Variants in LRRIQ1 observed in about 807,000 individuals in gnomAD.
LRRIQ1 encodes the protein leucine rich repeats and IQ motif containing 1, also known as leucine-rich repeat- and IQ domain-containing protein 1.
Under a neutral mutation model 211.9 loss-of-function variants are expected in LRRIQ1, and 210 were observed. That is an observed-to-expected ratio of 0.99 (90% CI 0.89 to 1.11). The LOEUF (loss-of-function observed/expected upper bound fraction) is 1.11, where lower values mean the gene tolerates loss of function less well. LRRIQ1 is among the 50% of genes most tolerant of loss of function. The pLI is 0.00. For missense variants in LRRIQ1, 2,136 were observed against 1,939.5 expected (o/e 1.10, Z -1.90); for synonymous variants, 699 against 650.1 (o/e 1.08, Z -1.14).
chr12:85,138,007 A>T, intron 19 of LRRIQ1, 38 bp downstream of exon 19: 1 of 1,174,448 alleles, frequency 8.5e-7, no homozygotes, highest in Non-Finnish European at 1.2e-6. Context: ...TTGGTCTTAA[A>T]ATACATTAAG....
Position 85,055,898 on chromosome 12 carries a change from A to C in LRRIQ1, c.1105A>C (p.Asn369His). The C allele has an allele frequency of 6.3e-7, 1 of 1,596,302 alleles. No individual in the cohort carries two copies. Among genetic ancestry groups the C allele is most frequent in the South Asian group, 1.2e-5 (1 of 85,916 alleles). ...AGAAAAAGAATATGAAGAAAAAAAG[A>C]ATATTGTGAAACAGGAAAGAGAGCA... is the stretch of plus-strand genomic sequence containing the variant. ...RREKEYEEKK[N>H]IVKQEREQLI... Residue 369 changes from asparagine (N) to histidine (H), a missense_variant, in exon 8 of 27, where the codon AAT (asparagine) becomes CAT (histidine). Asn to His is a moderately conservative substitution (Grantham distance 68). Transcript: ENST00000393217.
intron 18 of LRRIQ1, among the ~76,000 whole-genome samples, chr12:85,135,176 G>A (rs1889034270): frequency 6.6e-6 from 1 of 151,850 alleles, no homozygotes; most frequent in African/African-American, 2.4e-5. Flanking sequence ...ATTTATTGAA[G>A]TAACCAGGTC....
the LRRIQ1 span, among the ~76,000 whole-genome samples, chr12:85,271,776 C>T: frequency 6.6e-6 from 1 of 152,060 alleles, no homozygotes. Context: ...TATTTTTTAA[C>T]TTTAATTTGC....
rs536496847 is a variant in LRRIQ1 at position 85,082,980 on chromosome 12, C to A, written c.2887+9882C>A. Among the ~76,000 whole-genome samples, 4 of 152,264 alleles carry A rather than the reference C, an allele frequency of 2.6e-5. No homozygotes were observed. In the South Asian group the frequency reaches 6.2e-4, roughly 24 times the overall value. On this transcript the variant is annotated intron_variant, in intron 11 of 26. Transcript: ENST00000393217. ...TTTTCTGATCACTATCTGAGCAAAT[C>A]TGAGCTACAAACCTATGGGAGTGTC... is the stretch of plus-strand genomic sequence containing the variant.
chr12:85,269,790 C>T, the LRRIQ1 span, among the ~76,000 whole-genome samples: 1 of 151,948 alleles, frequency 6.6e-6, no homozygotes, highest in Non-Finnish European at 1.5e-5. Context: ...AATTGGAATG[C>T]CTTTCTATCT....
chr12:85,144,838 T>C (rs563066558), intron 19 of LRRIQ1, among the ~76,000 whole-genome samples: 1 of 151,656 alleles, frequency 6.6e-6, no homozygotes, highest in Non-Finnish European at 1.5e-5. Context: ...GGAGATTACT[T>C]CATGTGACCT....
At chr12:85,245,890 G>T (rs187643357), downstream of LRRIQ1, among the ~76,000 whole-genome samples, 280 of 150,518 alleles carry the variant, frequency 1.9e-3, 2 homozygotes, top group African/African-American at 5.7e-3. Context: ...TATATATATA[G>T]AGAGAGAGAC....
intron 24 of LRRIQ1, among the ~76,000 whole-genome samples, chr12:85,173,625 A>G (rs1164988293): frequency 2.0e-5 from 3 of 151,952 alleles, no homozygotes; most frequent in Non-Finnish European, 4.4e-5. Flanking sequence ...TCTCATACAC[A>G]CACACACACG....
intron 24 of LRRIQ1, among the ~76,000 whole-genome samples, chr12:85,165,249 A>G (rs1225839617): frequency 6.6e-6 from 1 of 152,106 alleles, no homozygotes; most frequent in Non-Finnish European, 1.5e-5. Flanking sequence ...GATAAAGAGC[A>G]TAGTAACAAA....
intron 19 of LRRIQ1, among the ~76,000 whole-genome samples, chr12:85,147,111 C>A (rs1040904346): frequency 5.3e-5 from 8 of 151,774 alleles, no homozygotes; most frequent in Non-Finnish European, 8.8e-5. Context: ...ACAACTGTCA[C>A]AATCAAATGG....
Position 85,073,032 on chromosome 12 carries a change from A to C in LRRIQ1, c.2821A>C (p.Ile941Leu). 1 of 1,612,388 alleles carries C rather than the reference A, an allele frequency of 6.2e-7. No individual in the cohort carries two copies. The change falls in exon 11 of 27, where the codon ATA becomes CTA. Residue 941 changes from isoleucine to leucine, a missense_variant. Physicochemically the swap from Ile to Leu is conservative, Grantham distance 5 (BLOSUM62 2). Coordinates refer to ENST00000393217, the MANE Select transcript of LRRIQ1 (RefSeq NM_001079910.2). ...TCCAACTGGATTATGTTGGTCCTGG[A>C]TACCTATTACCTCACTTACAAAAAA... The part of the protein sequence containing the change: ...WIPTGLCWSW[I>L]PITSLTKNSD...
At chr12:85,261,884 A>G (rs906317982) in intron 1 of LRRIQ1, among the ~76,000 whole-genome samples, 1 of 151,740 alleles carries the variant, frequency 6.6e-6, no homozygotes, top group African/African-American at 2.4e-5. Context: ...TCCGCCTCCC[A>G]GGTTCAAGCG....
intron 18 of LRRIQ1, among the ~76,000 whole-genome samples, chr12:85,128,629 T>C (rs1166177353): frequency 6.6e-6 from 1 of 152,120 alleles, no homozygotes; most frequent in Admixed American, 6.6e-5. Flanking sequence ...TCTCATCAAG[T>C]ATGTCATTTG....
chr12:85,221,799 T>C (rs1283051452), intron 24 of LRRIQ1, among the ~76,000 whole-genome samples: 2 of 152,216 alleles, frequency 1.3e-5, no homozygotes, highest in Non-Finnish European at 2.9e-5. Flanking sequence ...AAAAAAACTT[T>C]GAATATTATC....
chr12:85,099,934 C>G (rs1886217750), intron 13 of LRRIQ1, among the ~76,000 whole-genome samples: 1 of 151,604 alleles, frequency 6.6e-6, no homozygotes, highest in South Asian at 2.1e-4. Context: ...TACTTTAATC[C>G]AATGTAAAAT....
chr12:85,089,086 A>G (rs1885119171), intron 11 of LRRIQ1, among the ~76,000 whole-genome samples: 1 of 152,142 alleles, frequency 6.6e-6, no homozygotes, highest in South Asian at 2.1e-4. Flanking sequence ...TTTGTCATAA[A>G]TAGCTCTTAT....
At chr12:85,068,504 T>A (rs1330648397) in intron 10 of LRRIQ1, among the ~76,000 whole-genome samples, 3 of 151,938 alleles carry the variant, frequency 2.0e-5, no homozygotes, top group Non-Finnish European at 4.4e-5. Flanking sequence ...GGGGTTTTGA[T>A]TTCATTTTTT....
chr12:85,073,145 G>C (rs1259697602), intron 11 of LRRIQ1, 47 bp downstream of exon 11: 2 of 1,420,176 alleles, frequency 1.4e-6, no homozygotes, highest in East Asian at 4.8e-5. Flanking sequence ...TGGATTTCTA[G>C]AGGAGGTATG....
chr12:85,147,945 G>A (rs1388389105), intron 19 of LRRIQ1, among the ~76,000 whole-genome samples: 1 of 151,694 alleles, frequency 6.6e-6, no homozygotes, highest in Admixed American at 6.6e-5. Flanking sequence ...CCATAGGAGT[G>A]TACCTGATTG....
Sources: gnomAD v4.1 joint callset for allele counts (sites outside exome capture counted in the v4.1 genomes callset) on GRCh38, gnomAD v4.1.1 for gene constraint, MANE v1.5 for transcripts, NCBI Gene and HGNC (gene_info 2026-07-23, HGNC 2026-07-21) for gene names.